Variants in ZNF462 observed in about 807,000 individuals in gnomAD.
The protein encoded by ZNF462 is zinc finger protein 462, also known as zinc finger PBX1-interacting protein.
A neutral mutation model predicts 201.9 loss-of-function variants in ZNF462; 10 were observed. The observed-to-expected ratio is 0.05, with a 90% CI of 0.03 to 0.08. The LOEUF is 0.08. ZNF462 is among the 10% of genes least tolerant of loss of function. ZNF462 has a pLI of 1.00. For missense variants in ZNF462, 2,523 were observed against 3,168.3 expected, an observed-to-expected ratio of 0.80 and a Z score of 4.89; for synonymous variants, 1,227 against 1,193.3, an observed-to-expected ratio of 1.03 and a Z score of -0.58.
chr9:106,957,370 A>G (rs891991695), intron 7 of ZNF462, among the ~76,000 whole-genome samples: 3 of 152,118 alleles, frequency 2.0e-5, no homozygotes, highest in African/African-American at 7.2e-5. Flanking sequence ...TCATGACACC[A>G]CAAAACAGTT....
In ZNF462 at chr9:106,880,421, G is replaced by A. The variant is rs1405018978; in HGVS notation, c.-31+17066G>A. Among the ~76,000 whole-genome samples, 1 of 152,224 alleles carries A rather than the reference G, an allele frequency of 6.6e-6. No individual in the cohort carries two copies. The highest frequency in any genetic ancestry group is 1.5e-5 in the Non-Finnish European group (1 of 68,040). On this transcript the variant is annotated intron_variant, in intron 1 of 12. Transcript: ENST00000277225. The surrounding 1 kb of genome is among the most constrained non-coding windows in gnomAD (Gnocchi z 4.1). ...ATAGTTGAGAAAACTTTGAAGTGGT[G>A]TTGGCTAAATGTAGGTACGAGGGCT...
intron 10 of ZNF462, among the ~76,000 whole-genome samples, chr9:106,988,310 A>G (rs954820201): frequency 6.6e-6 from 1 of 152,094 alleles, no homozygotes; most frequent in African/African-American, 2.4e-5. Context: ...CTGGTAAACC[A>G]TTAGATCTCA....
intron 7 of ZNF462, among the ~76,000 whole-genome samples, chr9:106,953,704 A>G (rs1311665406): frequency 6.6e-6 from 1 of 151,964 alleles, no homozygotes; most frequent in African/African-American, 2.4e-5. Flanking sequence ...TGCCACCAAT[A>G]CTTCCAGTGC....
chr9:106,958,351 A>G (rs1266913634), intron 7 of ZNF462, among the ~76,000 whole-genome samples: 1 of 152,084 alleles, frequency 6.6e-6, no homozygotes, highest in African/African-American at 2.4e-5. Flanking sequence ...TAGCATGGAA[A>G]GCTGTTCATT....
rs1827084363 is a variant in ZNF462 at position 106,977,322 on chromosome 9, A to G, written c.6832+3049A>G. 6.7e-6 allele frequency among the ~76,000 whole-genome samples: 1 copy of G among 148,650 alleles called. No homozygotes were observed. Among genetic ancestry groups the G allele is most frequent in the Non-Finnish European group, 1.5e-5 (1 of 68,022 alleles). On this transcript the variant is annotated intron_variant, in intron 9 of 12. Coordinates refer to ENST00000277225, the MANE Select transcript of ZNF462 (RefSeq NM_021224.6). The surrounding 1 kb of genome is among the most constrained non-coding windows in gnomAD (Gnocchi z 4.6). ...ATCCTTGGTCTCTCAGGTCCACAGT[A>G]CAAGATCTTTCTGAGGTCTTAGTTA...
intron 7 of ZNF462, among the ~76,000 whole-genome samples, chr9:106,960,669 A>G (rs1176317108): frequency 6.6e-6 from 1 of 152,134 alleles, no homozygotes; most frequent in Non-Finnish European, 1.5e-5. Context: ...CATTAGAAAA[A>G]GGATCCTTCA....
chr9:106,930,714 G>A lies in ZNF462; in HGVS notation c.6012+25G>A, dbSNP rs778258604. ...GGTGAGAACTGGAAGGTCTGGATGA[G>A]CATTGTGTGTGAGCGATTCGAGTTA... On this transcript the variant is annotated intron_variant, in intron 4 of 12. Transcript: ENST00000277225. This position sits in a 1 kb window ranked among gnomAD's most constrained non-coding sequence, Gnocchi z 5.8. The A allele has an allele frequency of 6.2e-7, 1 of 1,612,546 alleles. No individual in the cohort carries two copies. Among genetic ancestry groups the A allele is most frequent in the Non-Finnish European group, 8.5e-7 (1 of 1,179,108 alleles).
intron 1 of ZNF462, among the ~76,000 whole-genome samples, chr9:106,904,510 T>G (rs1829186089): frequency 1.3e-5 from 2 of 152,196 alleles, no homozygotes; most frequent in African/African-American, 4.8e-5. Flanking sequence ...CCTCAATTAT[T>G]CCCCCCGATA....
In ZNF462 at chr9:106,924,211, A is replaced by T; in HGVS notation, c.299A>T (p.Asn100Ile). 1 of 1,614,174 alleles carries T rather than the reference A, an allele frequency of 6.2e-7. No individual in the cohort carries two copies. The stretch of plus-strand genomic sequence containing the variant: ...TATTATGGTCAGCATATTGCCGCTA[A>T]TCCCAAACCAACAAACAAGTTTTTT... ...PGYYGQHIAANPKPTNKFFQC... is the reference protein window; with the variant it reads ...PGYYGQHIAAIPKPTNKFFQC... Residue 100 changes from asparagine to isoleucine, a missense_variant, in exon 3 of 13, where the codon AAT becomes ATT. Physicochemically the swap from Asn to Ile is moderately radical, Grantham distance 149. Around this residue, in one of 15 missense-constraint regions of ZNF462, gnomAD observed 480 missense variants for 544.4 expected, o/e 0.88. Transcript: ENST00000277225. The surrounding 1 kb of genome is among the most constrained non-coding windows in gnomAD (Gnocchi z 6.2).
intron 10 of ZNF462, among the ~76,000 whole-genome samples, chr9:106,985,147 G>A (rs372655905): frequency 3.0e-4 from 46 of 152,274 alleles, no homozygotes; most frequent in African/African-American, 1.1e-3. Context: ...ACATGACTAT[G>A]TTCCAGTAAA....
intron 10 of ZNF462, among the ~76,000 whole-genome samples, chr9:106,986,644 C>T (rs186142710): frequency 6.1e-4 from 92 of 152,004 alleles, no homozygotes; most frequent in Non-Finnish European, 7.8e-4. Context: ...TTGAGTATTG[C>T]GATACAAGTG....
At chr9:106,901,895 T>C (rs565262353) in intron 1 of ZNF462, among the ~76,000 whole-genome samples, 1 of 152,140 alleles carries the variant, frequency 6.6e-6, no homozygotes, top group Non-Finnish European at 1.5e-5. Context: ...TCTTTACCGA[T>C]TTGGATGCCT....
chr9:106,979,158 A>C (rs535812339), intron 9 of ZNF462: 123 of 153,834 alleles, frequency 8.0e-4, no homozygotes, highest in Non-Finnish European at 1.6e-3. Flanking sequence ...AAGAGTATTA[A>C]CTCCTGCTGG....
chr9:106,912,440 G>C (rs16925931), intron 1 of ZNF462, among the ~76,000 whole-genome samples: 13,728 of 152,156 alleles, frequency 0.09, 1,398 homozygotes, highest in African/African-American at 0.25. Flanking sequence ...TACTCTCCTG[G>C]GTGTGGATTC....
chr9:106,929,803 T>C lies in ZNF462; in HGVS notation c.5847+44T>C, dbSNP rs1377659533. ...TTCCCTTCCCCCAGGAGGCCTCTCA[T>C]CACTGGTGCCCACATGCACTTCTTC... On this transcript the variant is annotated intron_variant, in intron 3 of 12. Transcript: ENST00000277225. The surrounding 1 kb of genome is among the most constrained non-coding windows in gnomAD (Gnocchi z 8.7). 6.5e-7 allele frequency: 1 copy of C among 1,542,864 alleles called. No homozygotes were observed. Among genetic ancestry groups the C allele is most frequent in the South Asian group, 1.2e-5 (1 of 80,432 alleles).
At chr9:106,945,076 AC>A (rs1466470562) in intron 7 of ZNF462, among the ~76,000 whole-genome samples, 13 of 152,168 alleles carry the variant, frequency 8.5e-5, no homozygotes, top group African/African-American at 3.1e-4. Context: ...TTACAGCAAT[AC>A]CCATGAGATT....
Position 106,880,862 on chromosome 9 carries a change from G to A in ZNF462, c.-31+17507G>A, listed in dbSNP as rs185956378. Among the ~76,000 whole-genome samples the A allele has an allele frequency of 6.6e-6, 1 of 152,278 alleles. No individual in the cohort carries two copies. The highest frequency in any genetic ancestry group is 2.4e-5 in the African/African-American group (1 of 41,550). ...AGACCTTTGACCTTTATACCTGTAC[G>A]TTACTCTGTACCTCGTGGGTTTAAC... On this transcript the variant is annotated intron_variant, in intron 1 of 12. Coordinates refer to ENST00000277225, the MANE Select transcript of ZNF462 (RefSeq NM_021224.6). This position sits in a 1 kb window ranked among gnomAD's most constrained non-coding sequence, Gnocchi z 4.1.
At chr9:106,889,917 TCA>T (rs1418611390) in intron 1 of ZNF462, among the ~76,000 whole-genome samples, 1 of 152,228 alleles carries the variant, frequency 6.6e-6, no homozygotes. Flanking sequence ...ATCCATTCTT[TCA>T]GACATATTGG....
intron 7 of ZNF462, among the ~76,000 whole-genome samples, chr9:106,969,900 C>G (rs1186161208): frequency 6.6e-6 from 1 of 152,136 alleles, no homozygotes; most frequent in Non-Finnish European, 1.5e-5. Flanking sequence ...GGGATCCTGG[C>G]TGGCAGTGCT....
Sources: gnomAD v4.1 joint callset for allele counts (sites outside exome capture counted in the v4.1 genomes callset) on GRCh38, gnomAD v4.1.1 for gene constraint, gnomAD v4.1.1 regional missense constraint, Gnocchi (gnomAD v3.1) non-coding constraint, MANE v1.5 for transcripts, NCBI Gene and HGNC (gene_info 2026-07-23, HGNC 2026-07-21) for gene names.